Variants in MRPL58 observed in about 807,000 individuals in gnomAD.
MRPL58 encodes the protein large ribosomal subunit protein mL62.
MRPL58 carries 17 observed loss-of-function variants against 26.0 expected under a neutral mutation model. The ratio of observed to expected loss-of-function variants is 0.65; its 90% CI spans 0.45 to 0.98. The LOEUF (loss-of-function observed/expected upper bound fraction) is 0.98. Ranked by LOEUF, MRPL58 falls within the 50% of genes least tolerant of loss-of-function variation. The pLI, the probability that MRPL58 is intolerant of heterozygous loss-of-function variation, is 0.00. For missense variants in MRPL58, 250 were observed against 269.0 expected (o/e 0.93, Z 0.49); for synonymous variants, 100 against 99.7 (o/e 1.00, Z -0.02).
rs1416605664 is a variant in MRPL58, at chr17:75,019,689, C to T, written c.224-11C>T. 1 of 1,612,958 alleles carries T rather than the reference C, an allele frequency of 6.2e-7. No individual in the cohort carries two copies. Among genetic ancestry groups the T allele is most frequent in the South Asian group, 1.1e-5 (1 of 91,042 alleles). On this transcript the variant is annotated splice_polypyrimidine_tract_variant and intron_variant, in intron 2 of 5. Transcript: ENST00000301585. ...ATCAGTTTTGTGTGTGTACTTTCTT[C>T]TGTTTTACAGATCGCTTGACAATAT...
rs1302525108 is a variant in MRPL58, at chr17:75,012,799, A to G, written c.113A>G (p.Glu38Gly). The G allele has an allele frequency of 6.2e-7, 1 of 1,611,524 alleles. No homozygotes were observed. The highest frequency in any genetic ancestry group is 8.5e-7 in the Non-Finnish European group (1 of 1,179,380). ...CTGCACAAGCAGAAAGACGGCACTG[A>G]GTTCAAGAGCATCTACAGCCTGGAC... ...RALHKQKDGT[E>G]FKSIYSLDKL... The change falls in exon 1 of 6, where the codon GAG (glutamate) becomes GGG (glycine). Residue 38 changes from glutamate to glycine, a missense_variant. Glu to Gly is a moderately conservative substitution (Grantham distance 98). Transcript: ENST00000301585.
chr17:75,013,747 C>T (rs1161049635), intron 1 of MRPL58, among the ~76,000 whole-genome samples: 1 of 152,082 alleles, frequency 6.6e-6, no homozygotes, highest in Non-Finnish European at 1.5e-5. Context: ...GGATGAGCAT[C>T]CTAGGCAGAG....
chr17:75,013,591 A>G (rs1047344313), intron 1 of MRPL58, among the ~76,000 whole-genome samples: 2 of 152,190 alleles, frequency 1.3e-5, no homozygotes, highest in African/African-American at 4.8e-5. Flanking sequence ...CTTTGCAGAA[A>G]ATAAAGCCAA....
rs749392080 is a variant in MRPL58 at position 75,020,903 on chromosome 17, C to A, written c.537-18C>A. The A allele has an allele frequency of 3.8e-6, 6 of 1,594,616 alleles. No homozygotes were observed. Among genetic ancestry groups the A allele is most frequent in the Non-Finnish European group, 5.2e-6 (6 of 1,162,284 alleles). On this transcript the variant is annotated intron_variant, in intron 5 of 5. Transcript: ENST00000301585. ...CTGATTGGGCATCTGGGGCTAATTG[C>A]AGTCTTTTTGTTTTCAGGATAGAAA...
chr17:75,012,920 G>T, intron 1 of MRPL58, 48 bp downstream of exon 1: 2 of 1,541,824 alleles, frequency 1.3e-6, no homozygotes, highest in Non-Finnish European at 1.8e-6. Flanking sequence ...CAGGCTGCTG[G>T]GTGACGTTAG....
chr17:75,019,714 T>C lies in MRPL58; in HGVS notation c.238T>C (p.Ser80Pro), dbSNP rs2040000871. Residue 80 changes from serine to proline, a missense_variant, in exon 3 of 6, where the codon TCT (serine) becomes CCT (proline). Physicochemically the swap from Ser to Pro is moderately conservative, Grantham distance 74. Transcript: ENST00000301585. ...CTGTTTTACAGATCGCTTGACAATA[T>C]CTTATTGTCGGAGTAGTGGTCCTGG... ...SDIPLDRLTI[S>P]YCRSSGPGGQ... The C allele has an allele frequency of 6.2e-7, 1 of 1,612,518 alleles. No homozygotes were observed. The highest frequency in any genetic ancestry group is 1.3e-5 in the African/African-American group (1 of 74,878).
chr17:75,015,819 G>C (rs1337155820), intron 1 of MRPL58, among the ~76,000 whole-genome samples: 1 of 151,974 alleles, frequency 6.6e-6, no homozygotes, highest in Non-Finnish European at 1.5e-5. Context: ...CCAGGCTGGA[G>C]TGCAGTGTCC....
At chr17:75,019,632 C>A in intron 2 of MRPL58, 68 bp from the exon 3 acceptor site, 1 of 1,457,768 alleles carries the variant, frequency 6.9e-7, no homozygotes, top group Non-Finnish European at 9.6e-7. Flanking sequence ...ATTCCTCAGA[C>A]ACAACAAGAC....
At chr17:75,020,856 C>A in intron 5 of MRPL58, 65 bp from the exon 6 acceptor site, 1 of 1,391,516 alleles carries the variant, frequency 7.2e-7, no homozygotes, top group South Asian at 1.2e-5. Context: ...GCTCCCAACT[C>A]CTCTCACCAC....
At chr17:75,015,340 C>T (rs760605934) in intron 1 of MRPL58, among the ~76,000 whole-genome samples, 7 of 152,078 alleles carry the variant, frequency 4.6e-5, no homozygotes, top group Non-Finnish European at 7.4e-5. Context: ...AAAAATTAGT[C>T]GGGCGTGGTG....
chr17:75,016,461 T>G (rs934195883), intron 1 of MRPL58, among the ~76,000 whole-genome samples: 3 of 152,102 alleles, frequency 2.0e-5, no homozygotes, highest in Admixed American at 1.3e-4. Flanking sequence ...CTGAGGATAC[T>G]GATGCTTTGA....
At chr17:75,016,280 G>A (rs530726000) in intron 1 of MRPL58, among the ~76,000 whole-genome samples, 35 of 152,066 alleles carry the variant, frequency 2.3e-4, no homozygotes, top group African/African-American at 6.3e-4. Context: ...GCTAGGCATG[G>A]TGGCATGCGC....
intron 1 of MRPL58, 48 bp from the exon 2 acceptor site, chr17:75,017,030 T>C: frequency 3.4e-6 from 5 of 1,464,650 alleles, no homozygotes; most frequent in Non-Finnish European, 4.8e-6. Context: ...CAGTTAGGAG[T>C]CACCCAGCAG....
At chr17:75,015,334 AT>A (rs2039965044) in intron 1 of MRPL58, among the ~76,000 whole-genome samples, 1 of 152,182 alleles carries the variant, frequency 6.6e-6, no homozygotes, top group Non-Finnish European at 1.5e-5. Context: ...AAATACAAAA[AT>A]TAGTCGGGCG....
chr17:75,021,013 C>G lies in MRPL58; in HGVS notation c.*8C>G, dbSNP rs886653639. The stretch of plus-strand genomic sequence containing the variant: ...AGGGTCGACATGGACTGAAATCACC[C>G]TCTGCAGCTGGGAGGGCTCTTCTGG... On this transcript the variant is annotated 3_prime_UTR_variant, in exon 6 of 6. Coordinates refer to ENST00000301585, the MANE Select transcript of MRPL58 (RefSeq NM_001545.3). 2.2e-5 allele frequency: 35 copies of G among 1,604,250 alleles called. No homozygotes were observed. Among genetic ancestry groups the G allele is most frequent in the Non-Finnish European group, 3.0e-5 (35 of 1,171,064 alleles).
intron 2 of MRPL58, among the ~76,000 whole-genome samples, chr17:75,017,970 C>A (rs2039986403): frequency 6.6e-6 from 1 of 151,930 alleles, no homozygotes; most frequent in South Asian, 2.1e-4. Flanking sequence ...TTCACACATT[C>A]CTTCCAGATC....
Position 75,021,099 on chromosome 17 carries a change from T to C in MRPL58, c.*94T>C. ...CCATAAGGAGATTTCTGTTTTTCTT[T>C]TTGGCTGTTAATGCTTGTCTATAAC... On this transcript the variant is annotated 3_prime_UTR_variant, in exon 6 of 6. Transcript: ENST00000301585. 2 of 829,536 alleles carry C rather than the reference T, an allele frequency of 2.4e-6. No homozygotes were observed. Among genetic ancestry groups the C allele is most frequent in the South Asian group, 2.9e-5 (2 of 69,848 alleles). The allele number at this position is 829,536 out of a possible 1,614,324, so 51.4% of individuals were successfully genotyped here. A position where few individuals can be genotyped will look rare whatever the true frequency, so the allele number is the denominator to read the frequency against.
intron 1 of MRPL58, among the ~76,000 whole-genome samples, chr17:75,016,249 C>CAAA (rs77469669): frequency 4.1e-5 from 5 of 121,900 alleles, no homozygotes; most frequent in African/African-American, 1.1e-4. Context: ...ACTAAAAATA[C>CAAA]AAAAAAAAAA....
chr17:75,016,249 CAAA>C (rs77469669), intron 1 of MRPL58, among the ~76,000 whole-genome samples: 1 of 121,900 alleles, frequency 8.2e-6, no homozygotes, highest in Non-Finnish European at 1.8e-5. Context: ...ACTAAAAATA[CAAA>C]AAAAAAAAAC....
Sources: allele counts gnomAD v4.1 joint callset (sites outside exome capture counted in the v4.1 genomes callset), GRCh38; gene constraint gnomAD v4.1.1; transcripts MANE v1.5; gene names NCBI Gene and HGNC (gene_info 2026-07-23, HGNC 2026-07-21).